HMGA2: variants seen among roughly 807,000 people sequenced by gnomAD.
The protein encoded by HMGA2 is high mobility group AT-hook 2, also known as high mobility group protein HMGI-C.
In HMGA2, 8 loss-of-function variants were observed where a neutral mutation model predicts 19.1. The ratio of observed to expected loss-of-function variants is 0.42; its 90% CI spans 0.25 to 0.76. The LOEUF is 0.76. Among genes scored for constraint, HMGA2 ranks in the 30% least tolerant of loss-of-function variants. The pLI is 0.28. For synonymous variants in HMGA2, 60 were observed against 48.8 expected (o/e 1.23, Z -0.96); for missense variants, 109 against 136.3 (o/e 0.80, Z 1.00).
intron 3 of HMGA2, among the ~76,000 whole-genome samples, chr12:65,931,923 A>G (rs1229594170): frequency 6.6e-6 from 1 of 152,224 alleles, no homozygotes; most frequent in Non-Finnish European, 1.5e-5. Flanking sequence ...TCTCAAAAAA[A>G]TAAAATAAAT....
At chr12:65,841,059 AC>A (rs1347687246) in intron 3 of HMGA2, among the ~76,000 whole-genome samples, 1 of 152,140 alleles carries the variant, frequency 6.6e-6, no homozygotes, top group East Asian at 1.9e-4. Flanking sequence ...GTTTACATCT[AC>A]CTTTCTTTAC....
intron 3 of HMGA2, among the ~76,000 whole-genome samples, chr12:65,925,279 G>C (rs1875467652): frequency 6.6e-6 from 1 of 152,218 alleles, no homozygotes; most frequent in East Asian, 1.9e-4. Context: ...GCTCAAACGT[G>C]TCCCAAATTT....
intron 2 of HMGA2, 142 bp downstream of exon 2, chr12:65,828,229 A>G: frequency 1.4e-6 from 1 of 700,932 alleles, no homozygotes; most frequent in Non-Finnish European, 2.6e-6. Flanking sequence ...ATTTAACATT[A>G]GTTAGATGCG....
chr12:65,825,531 C>T lies in HMGA2; in HGVS notation c.111+150C>T, dbSNP rs1220498068. ...CGGCCGGGGGGAGCGGCGCAGACCC[C>T]ACGAGTGCGCCGCGCGGCCCCGGGG... On this transcript the variant is annotated intron_variant, in intron 1 of 4. Transcript: ENST00000403681. The surrounding 1 kb of genome is among the most constrained non-coding windows in gnomAD (Gnocchi z 4.4). 2 of 286,570 alleles carry T rather than the reference C, an allele frequency of 7.0e-6. No individual in the cohort carries two copies. Among genetic ancestry groups the T allele is most frequent in the Non-Finnish European group, 1.1e-5 (2 of 174,694 alleles). 17.8% of individuals were successfully genotyped at this position (286,570 alleles called of 1,614,324 possible).
intron 3 of HMGA2, among the ~76,000 whole-genome samples, chr12:65,946,742 A>G (rs1359783938): frequency 6.6e-6 from 1 of 152,174 alleles, no homozygotes; most frequent in Non-Finnish European, 1.5e-5. Flanking sequence ...AATAGGTGGA[A>G]TGGCAGACCA....
chr12:65,938,999 G>A (rs534704832), intron 3 of HMGA2, among the ~76,000 whole-genome samples: 1 of 152,272 alleles, frequency 6.6e-6, no homozygotes, highest in Admixed American at 6.5e-5. Context: ...TCTTTTATGA[G>A]ATATATGGAA....
intron 4 of HMGA2, chr12:65,952,115 C>T: frequency 2.4e-6 from 1 of 413,198 alleles, no homozygotes; most frequent in Non-Finnish European, 4.3e-6. Flanking sequence ...ATAAATTAAC[C>T]AGGATTGCTA....
chr12:65,842,481 C>G, intron 3 of HMGA2: 1 of 863,996 alleles, frequency 1.2e-6, no homozygotes, highest in Non-Finnish European at 1.8e-6. Context: ...TAACCAAGTA[C>G]CCTTGACAGT....
chr12:65,933,084 A>G (rs930751295), intron 3 of HMGA2, among the ~76,000 whole-genome samples: 2 of 151,966 alleles, frequency 1.3e-5, no homozygotes, highest in African/African-American at 2.4e-5. Context: ...TGAGAAGTTC[A>G]GCTAGGATAT....
intron 3 of HMGA2, among the ~76,000 whole-genome samples, chr12:65,908,338 A>G (rs1874694652): frequency 6.6e-6 from 1 of 152,038 alleles, no homozygotes; most frequent in African/African-American, 2.4e-5. Flanking sequence ...TCACACACAT[A>G]TTGTAGTTCT....
chr12:65,911,239 G>A (rs902270495), intron 3 of HMGA2, among the ~76,000 whole-genome samples: 4 of 152,202 alleles, frequency 2.6e-5, no homozygotes, highest in Admixed American at 6.5e-5. Flanking sequence ...AGACTCAAGT[G>A]TTGGAGGTAG....
At chr12:65,869,489 T>TG (rs756958430) in intron 3 of HMGA2, among the ~76,000 whole-genome samples, 1 of 152,142 alleles carries the variant, frequency 6.6e-6, no homozygotes, top group Non-Finnish European at 1.5e-5. Flanking sequence ...GTGCTGTCAG[T>TG]GGGGTCAATT....
At chr12:65,861,623 T>TA (rs34142770) in intron 3 of HMGA2, among the ~76,000 whole-genome samples, 28,379 of 123,848 alleles carry the variant, frequency 0.23, 5,598 homozygotes, top group African/African-American at 0.54. Context: ...CCTAAATTGG[T>TA]AAAAAAAAAA....
intron 3 of HMGA2, among the ~76,000 whole-genome samples, chr12:65,922,087 G>T (rs141243070): frequency 4.3e-4 from 65 of 152,350 alleles, no homozygotes; most frequent in African/African-American, 1.5e-3. Flanking sequence ...AAGAACCTCT[G>T]GTAGGGCCAT....
intron 3 of HMGA2, among the ~76,000 whole-genome samples, chr12:65,949,084 C>A (rs561597946): frequency 6.6e-6 from 1 of 152,182 alleles, no homozygotes; most frequent in Admixed American, 6.5e-5. Context: ...CCTCTATTAG[C>A]CCACGCTTTT....
intron 3 of HMGA2, among the ~76,000 whole-genome samples, chr12:65,861,590 C>A (rs1291255891): frequency 7.0e-6 from 1 of 143,194 alleles, no homozygotes. Flanking sequence ...AGTTTCATCT[C>A]GTTTTAGGTA....
intron 3 of HMGA2, among the ~76,000 whole-genome samples, chr12:65,898,959 G>T (rs1342811292): frequency 4.7e-5 from 7 of 148,280 alleles, no homozygotes; most frequent in Non-Finnish European, 8.9e-5. Context: ...CAGGAGAATG[G>T]CATGAACCCG....
chr12:65,865,687 T>TGCAGTG, intron 3 of HMGA2, among the ~76,000 whole-genome samples: 1 of 147,564 alleles, frequency 6.8e-6, no homozygotes, highest in Non-Finnish European at 1.5e-5. Flanking sequence ...CAGGCTGGAG[T>TGCAGTG]GCAGTGGCTC....
intron 3 of HMGA2, among the ~76,000 whole-genome samples, chr12:65,927,405 T>G (rs1875544998): frequency 1.3e-5 from 2 of 152,186 alleles, no homozygotes; most frequent in Admixed American, 1.3e-4. Context: ...ATATTCTGCC[T>G]CCACTAGATG....
Sources: allele counts gnomAD v4.1 joint callset (sites outside exome capture counted in the v4.1 genomes callset), GRCh38; gene constraint gnomAD v4.1.1; non-coding constraint Gnocchi (gnomAD v3.1); transcripts MANE v1.5; gene names NCBI Gene and HGNC (gene_info 2026-07-23, HGNC 2026-07-21).